The following GALNTL6 variants were observed in gnomAD, a reference collection of about 807,000 sequenced individuals.
GALNTL6 encodes the protein polypeptide N-acetylgalactosaminyltransferase-like 6.
A neutral mutation model predicts 73.7 loss-of-function variants in GALNTL6; 46 were observed. The ratio of observed to expected loss-of-function variants is 0.62; its 90% CI spans 0.49 to 0.80. GALNTL6 has a LOEUF of 0.80. Among genes scored for constraint, GALNTL6 ranks in the 30% least tolerant of loss-of-function variants. The pLI is 0.00. For missense variants in GALNTL6, 604 were observed against 755.0 expected (o/e 0.80, Z 2.34); for synonymous variants, 259 against 263.7 (o/e 0.98, Z 0.17).
At chr4:172,311,867 AT>A in intron 4 of GALNTL6, 115 bp downstream of exon 4, 1 of 729,112 alleles carries the variant, frequency 1.4e-6, no homozygotes, top group Non-Finnish European at 2.1e-6. Flanking sequence ...TATCCTAATA[AT>A]TTTGATAAAA....
chr4:172,375,610 G>A (rs975656295), intron 5 of GALNTL6, among the ~76,000 whole-genome samples: 1 of 152,132 alleles, frequency 6.6e-6, no homozygotes, highest in Non-Finnish European at 1.5e-5. Context: ...ACCTGCAATG[G>A]TCCCTGGACC....
At chr4:172,153,699 C>T (rs75568791) in intron 2 of GALNTL6, among the ~76,000 whole-genome samples, 1 of 152,188 alleles carries the variant, frequency 6.6e-6, no homozygotes, top group Non-Finnish European at 1.5e-5. Flanking sequence ...ACAGACCATA[C>T]AGGCTGATAC....
chr4:172,274,889 T>G (rs977635569), intron 3 of GALNTL6, among the ~76,000 whole-genome samples: 3 of 152,206 alleles, frequency 2.0e-5, no homozygotes, highest in Non-Finnish European at 4.4e-5. Flanking sequence ...CTGGTGTCAT[T>G]TTTCAGTAAA....
At chr4:172,394,789 G>C (rs551406392) in intron 5 of GALNTL6, among the ~76,000 whole-genome samples, 159 of 152,156 alleles carry the variant, frequency 1.0e-3, no homozygotes, top group African/African-American at 3.8e-3. Context: ...CTTCTAGCAT[G>C]CTGACACCCC....
At chr4:172,630,211 C>G (rs1739335464) in intron 5 of GALNTL6, among the ~76,000 whole-genome samples, 1 of 152,036 alleles carries the variant, frequency 6.6e-6, no homozygotes, top group African/African-American at 2.4e-5. Flanking sequence ...GAAAACATAA[C>G]CATTACAAAC....
chr4:172,342,116 TG>T lies in GALNTL6; in HGVS notation c.387-6406del, dbSNP rs760967896. The stretch of plus-strand genomic sequence containing the variant: ...ACATGACAGTTCATCATAAATTTTT[TG>T]TGATGGGTATTTTGTCACACATTTT... On this transcript the variant is annotated intron_variant, in intron 4 of 12. Transcript: ENST00000506823. 7.9e-5 allele frequency among the ~76,000 whole-genome samples: 12 copies of T among 152,290 alleles called. No homozygotes were observed. In the East Asian group the frequency reaches 2.3e-3, roughly 29 times the overall value.
At chr4:172,092,808 A>C (rs1732241262) in intron 2 of GALNTL6, among the ~76,000 whole-genome samples, 2 of 151,750 alleles carry the variant, frequency 1.3e-5, no homozygotes, top group Admixed American at 1.3e-4. Flanking sequence ...TTTTGTCTTG[A>C]AGAAAAAATC....
intron 2 of GALNTL6, among the ~76,000 whole-genome samples, chr4:171,991,345 T>C (rs1179937462): frequency 2.0e-5 from 3 of 152,102 alleles, no homozygotes; most frequent in African/African-American, 7.2e-5. Flanking sequence ...TCTGAAATAT[T>C]TCCCAAATCT....
At chr4:172,808,927 T>C (rs930412388) in intron 5 of GALNTL6, among the ~76,000 whole-genome samples, 5 of 152,354 alleles carry the variant, frequency 3.3e-5, no homozygotes, top group African/African-American at 1.2e-4. Flanking sequence ...ATCTTTCCTG[T>C]TGTTTTACAT....
At chr4:172,595,455 A>G (rs1447542161) in intron 5 of GALNTL6, among the ~76,000 whole-genome samples, 1 of 152,160 alleles carries the variant, frequency 6.6e-6, no homozygotes, top group African/African-American at 2.4e-5. Flanking sequence ...GAACCCATCT[A>G]GTGTTAAGAG....
intron 5 of GALNTL6, among the ~76,000 whole-genome samples, chr4:172,598,954 T>C (rs1340146619): frequency 1.3e-5 from 2 of 152,008 alleles, no homozygotes; most frequent in African/African-American, 4.8e-5. Context: ...TCCAGGAAAA[T>C]GTATCATAGT....
intron 2 of GALNTL6, among the ~76,000 whole-genome samples, chr4:171,900,681 T>A (rs1188014199): frequency 6.6e-6 from 1 of 152,044 alleles, no homozygotes; most frequent in Non-Finnish European, 1.5e-5. Flanking sequence ...ATAGGACTTA[T>A]ATGTGAAAAT....
chr4:172,019,699 T>G (rs1006606622), intron 2 of GALNTL6, among the ~76,000 whole-genome samples: 1 of 152,204 alleles, frequency 6.6e-6, no homozygotes, highest in African/African-American at 2.4e-5. Flanking sequence ...AGGAGAGAGA[T>G]AGACTCTGAT....
chr4:172,554,595 AAG>A (rs1190892006), intron 5 of GALNTL6, among the ~76,000 whole-genome samples: 1 of 152,180 alleles, frequency 6.6e-6, no homozygotes, highest in Non-Finnish European at 1.5e-5. Flanking sequence ...CCCCACTAGA[AAG>A]AGTTACTTTT....
At chr4:171,884,353 A>G (rs918996310) in intron 2 of GALNTL6, among the ~76,000 whole-genome samples, 7 of 152,240 alleles carry the variant, frequency 4.6e-5, no homozygotes, top group African/African-American at 1.4e-4. Context: ...GCCTCCTTTT[A>G]AGTTCTTTAC....
At chr4:172,560,667 G>C (rs1207130844) in intron 5 of GALNTL6, among the ~76,000 whole-genome samples, 1 of 151,994 alleles carries the variant, frequency 6.6e-6, no homozygotes, top group African/African-American at 2.4e-5. Context: ...TTTTGTTGTT[G>C]TTGTTATTTT....
intron 2 of GALNTL6, among the ~76,000 whole-genome samples, chr4:171,863,861 G>C (rs1327367437): frequency 2.6e-5 from 4 of 151,856 alleles, no homozygotes; most frequent in African/African-American, 9.7e-5. Context: ...AGGTTCAAGC[G>C]ATTCTCCTGC....
chr4:172,995,845 C>T (rs1389520089), intron 10 of GALNTL6, among the ~76,000 whole-genome samples: 1 of 152,212 alleles, frequency 6.6e-6, no homozygotes, highest in Non-Finnish European at 1.5e-5. Context: ...CAAAACATAA[C>T]ATTGTCACCT....
intron 7 of GALNTL6, among the ~76,000 whole-genome samples, chr4:172,820,968 T>G (rs192050954): frequency 6.6e-4 from 101 of 152,314 alleles, no homozygotes; most frequent in African/African-American, 2.3e-3. Context: ...TAACTAGGTC[T>G]TCAGCTCTCC....
Sources: gnomAD v4.1 joint callset for allele counts (sites outside exome capture counted in the v4.1 genomes callset) on GRCh38, gnomAD v4.1.1 for gene constraint, MANE v1.5 for transcripts, NCBI Gene and HGNC (gene_info 2026-07-23, HGNC 2026-07-21) for gene names.